The following PTH2R variants were observed in gnomAD, a reference collection of about 807,000 sequenced individuals.
PTH2R encodes the protein PTH2 receptor.
PTH2R carries 59 observed loss-of-function variants against 60.3 expected under a neutral mutation model. That is an observed-to-expected ratio of 0.98 (90% CI 0.79 to 1.22). The LOEUF (loss-of-function observed/expected upper bound fraction) is 1.22, where lower values mean the gene tolerates loss of function less well. Ranked by LOEUF, PTH2R falls within the 50% of genes most tolerant of loss-of-function variation. The pLI is 0.00. For synonymous variants in PTH2R, 256 were observed against 243.8 expected, an observed-to-expected ratio of 1.05 and a Z score of -0.47; for missense variants, 749 against 682.6, an observed-to-expected ratio of 1.10 and a Z score of -1.08.
At chr2:208,478,288 T>G (rs1039502631) in intron 9 of PTH2R, among the ~76,000 whole-genome samples, 5 of 152,174 alleles carry the variant, frequency 3.3e-5, no homozygotes, top group Admixed American at 3.3e-4. Context: ...AACATGCGTT[T>G]GTTCTCTTAC....
At position 208,470,924 on chromosome 2, in the gene PTH2R, G is replaced by A. The variant is rs890692891; in HGVS notation, c.982-10146G>A. On this transcript the variant is annotated intron_variant, in intron 9 of 12. Transcript: ENST00000272847. ...ATGAAATCCAGGCTAAGGTGGTCTC[G>A]GATAGAGGTGAGGAACTTTTTGGGA... Among the ~76,000 whole-genome samples the A allele has an allele frequency of 5.9e-5, 9 of 152,242 alleles. No homozygotes were observed. In the East Asian group the frequency reaches 1.4e-3, roughly 23 times the overall value.
intron 12 of PTH2R, among the ~76,000 whole-genome samples, chr2:208,490,938 C>T (rs915912919): frequency 6.6e-6 from 1 of 152,196 alleles, no homozygotes; most frequent in African/African-American, 2.4e-5. Flanking sequence ...TACAAACAGA[C>T]ACTTGGATGG....
chr2:208,364,033 T>G (rs1574805343), intron 1 of PTH2R, among the ~76,000 whole-genome samples: 2 of 152,238 alleles, frequency 1.3e-5, no homozygotes, highest in African/African-American at 4.8e-5. Context: ...CTTGTCAATT[T>G]TTGTTTTTGT....
chr2:208,465,133 G>A (rs1702717514), intron 9 of PTH2R, among the ~76,000 whole-genome samples: 1 of 151,906 alleles, frequency 6.6e-6, no homozygotes, highest in Non-Finnish European at 1.5e-5. Flanking sequence ...GTGCCACCAT[G>A]CCCGGCTAAT....
chr2:208,461,202 C>T (rs540390625), intron 9 of PTH2R, among the ~76,000 whole-genome samples: 3 of 152,096 alleles, frequency 2.0e-5, no homozygotes, highest in Middle Eastern at 3.4e-3. Flanking sequence ...GCTCAAAAAT[C>T]GATTATGGAT....
intron 2 of PTH2R, among the ~76,000 whole-genome samples, 186 bp from the exon 3 acceptor site, chr2:208,437,351 A>G (rs1055140179): frequency 6.6e-6 from 1 of 152,214 alleles, no homozygotes; most frequent in Non-Finnish European, 1.5e-5. Context: ...TGAGCCTTTG[A>G]TGAAGCACAC....
chr2:208,384,213 G>A (rs1215991020), intron 1 of PTH2R, among the ~76,000 whole-genome samples: 1 of 152,166 alleles, frequency 6.6e-6, no homozygotes, highest in Non-Finnish European at 1.5e-5. Flanking sequence ...CCGGGTGAAG[G>A]TGAGGATTGG....
chr2:208,381,536 C>T (rs942207636), intron 1 of PTH2R, among the ~76,000 whole-genome samples: 2 of 152,124 alleles, frequency 1.3e-5, no homozygotes, highest in African/African-American at 4.8e-5. Context: ...GATCCTCCTG[C>T]CTCACACTCT....
intron 1 of PTH2R, among the ~76,000 whole-genome samples, chr2:208,411,085 A>G (rs900248459): frequency 1.3e-5 from 2 of 152,162 alleles, no homozygotes; most frequent in Non-Finnish European, 2.9e-5. Context: ...GTCTCTACTA[A>G]AAATACAAAA....
chr2:208,418,230 AAAATAT>A lies in PTH2R; in HGVS notation c.76-9967_76-9962del, dbSNP rs1036461656. On this transcript the variant is annotated intron_variant, in intron 1 of 12. Transcript: ENST00000272847. Reference sequence around the variant, plus strand: ...AAAAAGAAAGCTTTACTAAGGCTTAAAAATATAAACATTAAATAAATGAAGAAATAT... The same window carrying A: ...AAAAAGAAAGCTTTACTAAGGCTTAAAAACATTAAATAAATGAAGAAATAT... 1.8e-3 allele frequency among the ~76,000 whole-genome samples: 277 copies of A among 152,298 alleles called. 1 individual carries two copies. Among genetic ancestry groups the A allele is most frequent in the African/African-American group, 6.3e-3 (264 of 41,596 alleles).
At chr2:208,484,705 T>C (rs1332053135) in intron 10 of PTH2R, among the ~76,000 whole-genome samples, 1 of 152,224 alleles carries the variant, frequency 6.6e-6, no homozygotes, top group Non-Finnish European at 1.5e-5. Flanking sequence ...ATTTAATGTT[T>C]ATTTTTTTAA....
chr2:208,442,387 T>C lies in PTH2R; in HGVS notation c.435T>C (p.Tyr145=). The part of the protein sequence containing the change: ...IGKQEFFERL[Y]VMYTVGYSIS... ...AGCAAGAATTCTTTGAACGCCTCTA[T>C]GTAATGTATACCGTTGGCTACTCCA... The change falls in exon 5 of 13, where the codon TAT becomes TAC. Residue 145 remains tyrosine, a synonymous_variant. Transcript: ENST00000272847. 3 of 1,612,824 alleles carry C rather than the reference T, an allele frequency of 1.9e-6. No individual in the cohort carries two copies. Among genetic ancestry groups the C allele is most frequent in the Non-Finnish European group, 1.7e-6 (2 of 1,178,832 alleles).
intron 1 of PTH2R, among the ~76,000 whole-genome samples, chr2:208,376,882 AT>A (rs924071846): frequency 1.1e-4 from 16 of 150,322 alleles, no homozygotes; most frequent in East Asian, 5.8e-4. Flanking sequence ...TAATTAATTA[AT>A]TTTTTTTTAT....
chr2:208,419,824 A>G (rs1490099532), intron 1 of PTH2R, among the ~76,000 whole-genome samples: 1 of 152,180 alleles, frequency 6.6e-6, no homozygotes, highest in Non-Finnish European at 1.5e-5. Context: ...TGCTATAAAG[A>G]CACATGCTCA....
At chr2:208,362,941 T>C (rs778379827) in intron 1 of PTH2R, among the ~76,000 whole-genome samples, 1 of 152,172 alleles carries the variant, frequency 6.6e-6, no homozygotes, top group Non-Finnish European at 1.5e-5. Context: ...TTGCTGGTGT[T>C]GAGCATCCTT....
In PTH2R at chr2:208,493,320, A is replaced by G. The variant is rs931167779; in HGVS notation, c.1314A>G (p.Lys438=). The G allele has an allele frequency of 1.4e-5, 21 of 1,544,490 alleles. No individual in the cohort carries two copies. Among genetic ancestry groups the G allele is most frequent in the Non-Finnish European group, 1.7e-5 (20 of 1,143,220 alleles). The change falls in exon 13 of 13, where the codon AAA becomes AAG. Residue 438 remains lysine (K), a synonymous_variant. Transcript: ENST00000272847. ...GGTGGAACCTCTCCGTGGACTGGAA[A>G]AGGACACCGCCATGTGGCAGCCGCA... is the stretch of plus-strand genomic sequence containing the variant. The part of the protein sequence containing the change: ...WSRWNLSVDW[K]RTPPCGSRRC...
At chr2:208,397,791 A>C (rs1274874390) in intron 1 of PTH2R, among the ~76,000 whole-genome samples, 3 of 152,168 alleles carry the variant, frequency 2.0e-5, no homozygotes, top group Admixed American at 6.5e-5. Context: ...ACATGTGGGG[A>C]TATGTGGGGT....
At chr2:208,472,438 T>G (rs1471773050) in intron 9 of PTH2R, among the ~76,000 whole-genome samples, 1 of 152,184 alleles carries the variant, frequency 6.6e-6, no homozygotes, top group Non-Finnish European at 1.5e-5. Context: ...CCACATGTTG[T>G]GGGAGGGACC....
At chr2:208,404,575 G>A (rs887976723), upstream of PTH2R, among the ~76,000 whole-genome samples, 2 of 151,884 alleles carry the variant, frequency 1.3e-5, no homozygotes, top group Non-Finnish European at 2.9e-5. Context: ...AAGTTTCCTC[G>A]ACATTGTCAT....
Sources: gnomAD v4.1 joint callset for allele counts (sites outside exome capture counted in the v4.1 genomes callset) on GRCh38, gnomAD v4.1.1 for gene constraint, MANE v1.5 for transcripts, NCBI Gene and HGNC (gene_info 2026-07-23, HGNC 2026-07-21) for gene names.